Variants in STK32C observed in about 807,000 individuals in gnomAD.
STK32C encodes serine/threonine kinase 32C, also known as serine/threonine-protein kinase 32C.
Under a neutral mutation model 56.5 loss-of-function variants are expected in STK32C, and 31 were observed. That is an observed-to-expected ratio of 0.55 (90% CI 0.41 to 0.74). The LOEUF (loss-of-function observed/expected upper bound fraction) is 0.74, where lower values mean the gene tolerates loss of function less well. STK32C is among the 30% of genes least tolerant of loss of function. STK32C has a pLI of 0.00. For synonymous variants in STK32C, 309 were observed against 289.4 expected, an observed-to-expected ratio of 1.07 and a Z score of -0.69; for missense variants, 544 against 676.9, an observed-to-expected ratio of 0.80 and a Z score of 2.18.
intron 1 of STK32C, among the ~76,000 whole-genome samples, chr10:132,282,237 G>A (rs1017671645): frequency 1.3e-5 from 2 of 152,220 alleles, no homozygotes; most frequent in East Asian, 1.9e-4. Context: ...CTTCGCAGCC[G>A]CCCACCCCGG....
upstream of STK32C, among the ~76,000 whole-genome samples, chr10:132,310,399 C>T (rs975565457): frequency 1.4e-4 from 22 of 152,226 alleles, no homozygotes; most frequent in Non-Finnish European, 2.9e-5. The surrounding 1 kb of genome is among the most constrained non-coding windows in gnomAD (Gnocchi z 4.6). Context: ...TGTCCAGCCA[C>T]GGCTCAGGGT....
At chr10:132,295,488 G>A (rs1415727084) in intron 1 of STK32C, among the ~76,000 whole-genome samples, 2 of 152,252 alleles carry the variant, frequency 1.3e-5, no homozygotes, top group Non-Finnish European at 2.9e-5. Context: ...AGAAATTAAA[G>A]CAGTGACGAA....
intron 10 of STK32C, among the ~76,000 whole-genome samples, chr10:132,213,024 A>G (rs1482156758): frequency 6.6e-6 from 1 of 152,202 alleles, no homozygotes; most frequent in East Asian, 1.9e-4. Context: ...TGAGGCCCCC[A>G]ACGTTTTGTG....
chr10:132,323,038 T>C (rs2066439157), downstream of STK32C, among the ~76,000 whole-genome samples: 1 of 152,180 alleles, frequency 6.6e-6, no homozygotes, highest in African/African-American at 2.4e-5. The surrounding 1 kb of genome is among the most constrained non-coding windows in gnomAD (Gnocchi z 4.8). Context: ...GTCTCTTCCC[T>C]GGTCTAAGTG....
chr10:132,209,925 A>C (rs944573790), intron 10 of STK32C, among the ~76,000 whole-genome samples: 2 of 152,208 alleles, frequency 1.3e-5, no homozygotes, highest in Non-Finnish European at 2.9e-5. Flanking sequence ...ACAGAACCTC[A>C]GATCCATAGG....
At chr10:132,209,467 C>A in intron 10 of STK32C, 1 of 431,430 alleles carries the variant, frequency 2.3e-6, no homozygotes, top group Non-Finnish European at 4.5e-6. Context: ...CCCCTCATCA[C>A]AGCACACACA....
chr10:132,226,930 A>G lies in STK32C; in HGVS notation c.509T>C (p.Val170Ala). ...CAGGTCCCCGCCCAGTAGCAGGTCC[A>G]CGACCATGAACATGTCCTCCTCGTC... The part of the protein sequence containing the change: ...FQDEEDMFMV[V>A]DLLLGGDLRY... The change falls in exon 4 of 12, where the codon GTG (valine) becomes GCG (alanine). Residue 170 changes from valine to alanine, a missense_variant. Val to Ala is a moderately conservative substitution (Grantham distance 64). Transcript: ENST00000298630. 1 of 1,613,430 alleles carries G rather than the reference A, an allele frequency of 6.2e-7. No individual in the cohort carries two copies. Among genetic ancestry groups the G allele is most frequent in the Non-Finnish European group, 8.5e-7 (1 of 1,180,016 alleles).
intron 1 of STK32C, among the ~76,000 whole-genome samples, chr10:132,267,797 GCA>G (rs1565129214): frequency 4.8e-4 from 60 of 125,540 alleles, no homozygotes; most frequent in East Asian, 6.4e-4. Flanking sequence ...ATGCCTGTGT[GCA>G]TGCATGTCCC....
At chr10:132,283,998 C>T (rs1348221952) in intron 1 of STK32C, among the ~76,000 whole-genome samples, 1 of 152,078 alleles carries the variant, frequency 6.6e-6, no homozygotes, top group Non-Finnish European at 1.5e-5. Context: ...TGTCTGGCCA[C>T]GGAATGTGCC....
At chr10:132,317,662 GGCTACAGTGAGTCAGGATT>G (rs1378711226) in intron 1 of STK32C, among the ~76,000 whole-genome samples, 1 of 152,108 alleles carries the variant, frequency 6.6e-6, no homozygotes, top group Non-Finnish European at 1.5e-5. Flanking sequence ...AGGAGGTCAA[GGCTACAGTGAGTCAGGATT>G]GCACCAGTGC....
chr10:132,227,856 G>C, intron 3 of STK32C, 121 bp downstream of exon 3: 1 of 1,252,918 alleles, frequency 8.0e-7, no homozygotes, highest in Non-Finnish European at 1.1e-6. Context: ...AGGGCCTGTG[G>C]GTGGCAGAGG....
intron 1 of STK32C, chr10:132,330,190 G>C (rs772972047): frequency 3.5e-4 from 169 of 482,832 alleles, no homozygotes; most frequent in Middle Eastern, 1.1e-3. Flanking sequence ...AAACATGCTC[G>C]TACATACAAT....
rs928317565 is a variant in STK32C at position 132,258,495 on chromosome 10, C to T, written c.263-12540G>A. Among the ~76,000 whole-genome samples, 5 of 152,220 alleles carry T rather than the reference C, an allele frequency of 3.3e-5. 1 individual carries two copies. The highest frequency in any genetic ancestry group is 4.1e-4 in the South Asian group (2 of 4,834). The stretch of plus-strand genomic sequence containing the variant: ...TGTCATCCTCAGGACGGGTCCAGTG[C>T]GCTCTCCTGGGTGCCTAGGCCAGCG... On this transcript the variant is annotated intron_variant, in intron 1 of 11. Transcript: ENST00000298630.
chr10:132,220,590 T>C (rs2062606826), intron 10 of STK32C, among the ~76,000 whole-genome samples: 1 of 152,214 alleles, frequency 6.6e-6, no homozygotes, highest in Non-Finnish European at 1.5e-5. Context: ...ACCCCATCCA[T>C]GCTGGAAGAA....
chr10:132,210,573 C>A lies in STK32C; in HGVS notation c.1252-1472G>T, dbSNP rs548485398. On this transcript the variant is annotated intron_variant, in intron 10 of 11. Coordinates refer to ENST00000298630, the MANE Select transcript of STK32C (RefSeq NM_173575.4). ...CTGTGGATCCTATTAATGCTGATTGCCAAGTGGCAAGTACTCTGGACACCC... is the reference window on the plus strand; with the variant it reads ...CTGTGGATCCTATTAATGCTGATTGACAAGTGGCAAGTACTCTGGACACCC... 2.5e-4 allele frequency among the ~76,000 whole-genome samples: 38 copies of A among 152,340 alleles called. No individual in the cohort carries two copies. In the South Asian group the frequency reaches 7.2e-3, roughly 29 times the overall value.
intron 1 of STK32C, among the ~76,000 whole-genome samples, chr10:132,302,805 G>T (rs1020322781): frequency 1.3e-5 from 2 of 152,134 alleles, no homozygotes; most frequent in Admixed American, 6.5e-5. Context: ...CCCAGCCCTC[G>T]GCAGCCCCTG....
At chr10:132,251,093 C>T (rs1370164327) in intron 1 of STK32C, among the ~76,000 whole-genome samples, 2 of 152,182 alleles carry the variant, frequency 1.3e-5, no homozygotes, top group Admixed American at 6.5e-5. Context: ...GAGCCCCAGG[C>T]CCCACACATC....
At chr10:132,221,415 T>G (rs1455620813) in intron 10 of STK32C, among the ~76,000 whole-genome samples, 22 of 116,574 alleles carry the variant, frequency 1.9e-4, no homozygotes, top group African/African-American at 6.1e-4. Flanking sequence ...ACACCTGGGC[T>G]AGTCTGAGGG....
At chr10:132,331,937 C>CCCT (rs1554888058), upstream of STK32C, 100,082 of 590,204 alleles carry the variant, frequency 0.17, 10,687 homozygotes, top group Non-Finnish European at 0.21. Context: ...GCAAGCGCAA[C>CCCT]CCCCCGCCCC....
Sources: allele counts gnomAD v4.1 joint callset (sites outside exome capture counted in the v4.1 genomes callset), GRCh38; gene constraint gnomAD v4.1.1; non-coding constraint Gnocchi (gnomAD v3.1); transcripts MANE v1.5; gene names NCBI Gene and HGNC (gene_info 2026-07-23, HGNC 2026-07-21).